The following UCHL5 variants were observed in gnomAD, a reference collection of about 807,000 sequenced individuals.
UCHL5 encodes ubiquitin C-terminal hydrolase L5.
A neutral mutation model predicts 53.8 loss-of-function variants in UCHL5; 34 were observed. The ratio of observed to expected loss-of-function variants is 0.63; its 90% confidence interval spans 0.48 to 0.84. The LOEUF (loss-of-function observed/expected upper bound fraction) is 0.84, where lower values mean the gene tolerates loss of function less well. UCHL5 is among the 40% of genes least tolerant of loss of function. The probability of loss-of-function intolerance (pLI) is 0.00; values close to 1 mark genes in which losing one functional copy is unlikely to be tolerated. For missense variants in UCHL5, 290 were observed against 385.6 expected, an observed-to-expected ratio of 0.75 and a Z score of 2.08; for synonymous variants, 111 against 126.3, an observed-to-expected ratio of 0.88 and a Z score of 0.81.
At position 193,014,933 on chromosome 1, in the gene UCHL5, T is replaced by C. The variant is rs1437101999; in HGVS notation, c.*1418A>G. 2 of 152,076 alleles carry C rather than the reference T, an allele frequency of 1.3e-5. No homozygotes were observed. Among genetic ancestry groups the C allele is most frequent in the African/African-American group, 2.4e-5 (1 of 41,426 alleles). 9.4% of individuals were successfully genotyped at this position (152,076 alleles called of 1,614,324 possible). ...TATAAATTAAGCTGAAATAAACGAA[T>C]GAGATCAAGATGAGCCTTCCTTAAA... is the stretch of plus-strand genomic sequence containing the variant. On this transcript the variant is annotated 3_prime_UTR_variant, in exon 11 of 11. Coordinates refer to ENST00000367454, the MANE Select transcript of UCHL5 (RefSeq NM_001199261.3).
At chr1:193,021,320 G>A (rs1030952037) in intron 9 of UCHL5, 125 bp from the exon 10 acceptor site, 3 of 619,306 alleles carry the variant, frequency 4.8e-6, no homozygotes, top group Non-Finnish European at 8.2e-6. Context: ...TAGAAATAAT[G>A]AGATTCCATT....
At chr1:193,040,317 C>T (rs916451084) in intron 3 of UCHL5, among the ~76,000 whole-genome samples, 3 of 152,134 alleles carry the variant, frequency 2.0e-5, no homozygotes, top group South Asian at 2.1e-4. Context: ...TAAAAAAAAT[C>T]AGATTTAAAA....
At chr1:193,038,761 T>C (rs542678061) in intron 3 of UCHL5, among the ~76,000 whole-genome samples, 40 of 152,260 alleles carry the variant, frequency 2.6e-4, no homozygotes, top group Middle Eastern at 6.8e-3. Flanking sequence ...TTTGGGAGGC[T>C]GAGGCAGGAG....
In UCHL5 at chr1:193,016,272, T is replaced by C. The variant is rs1654890962; in HGVS notation, c.*79A>G. ...ACGTGCACTGAGCCAATTAGGATGT[T>C]GCTCTAAGTTCTTTATACATAATGG... On this transcript the variant is annotated 3_prime_UTR_variant, in exon 11 of 11. Coordinates refer to ENST00000367454, the MANE Select transcript of UCHL5 (RefSeq NM_001199261.3). 2 of 1,533,484 alleles carry C rather than the reference T, an allele frequency of 1.3e-6. No individual in the cohort carries two copies. Among genetic ancestry groups the C allele is most frequent in the African/African-American group, 2.8e-5 (2 of 71,150 alleles). 95.0% of individuals were successfully genotyped at this position (1,533,484 alleles called of 1,614,324 possible).
intron 10 of UCHL5, chr1:193,020,351 C>T: frequency 1.3e-6 from 2 of 1,547,960 alleles, no homozygotes; most frequent in Non-Finnish European, 1.7e-6. Flanking sequence ...TTTTATTTGC[C>T]TAGTAGTGTC....
intron 3 of UCHL5, among the ~76,000 whole-genome samples, chr1:193,031,794 A>G (rs1054609749): frequency 1.3e-5 from 2 of 152,208 alleles, no homozygotes; most frequent in African/African-American, 4.8e-5. Flanking sequence ...TCTTATATAT[A>G]GTCAAAGTTC....
chr1:193,020,666 T>C (rs1656647762), intron 10 of UCHL5, among the ~76,000 whole-genome samples: 1 of 151,946 alleles, frequency 6.6e-6, no homozygotes, highest in South Asian at 2.1e-4. Flanking sequence ...GATACTAAAT[T>C]AGAAATAAGA....
At chr1:193,030,329 A>T (rs1004731851) in intron 3 of UCHL5, among the ~76,000 whole-genome samples, 3 of 152,204 alleles carry the variant, frequency 2.0e-5, no homozygotes, top group African/African-American at 7.2e-5. Flanking sequence ...TCAACAACTT[A>T]TGCAGAAGGA....
chr1:193,044,635 A>T (rs1312474719), intron 3 of UCHL5, among the ~76,000 whole-genome samples: 1 of 152,170 alleles, frequency 6.6e-6, no homozygotes, highest in African/African-American at 2.4e-5. Flanking sequence ...TAATCCCATT[A>T]TAAATGCCAT....
intron 10 of UCHL5, among the ~76,000 whole-genome samples, chr1:193,017,436 AAT>A (rs1156860939): frequency 6.6e-6 from 1 of 151,752 alleles, no homozygotes; most frequent in Non-Finnish European, 1.5e-5. Context: ...AATAAGAGCA[AAT>A]AGTCTGTGTG....
chr1:193,035,459 G>GA (rs1185176840), intron 3 of UCHL5, among the ~76,000 whole-genome samples: 10 of 143,948 alleles, frequency 6.9e-5, no homozygotes, highest in Non-Finnish European at 1.2e-4. Context: ...TCTAAAAGAA[G>GA]AAAAAAAAAA....
At chr1:193,025,923 T>C (rs1473353881) in intron 7 of UCHL5, among the ~76,000 whole-genome samples, 1 of 152,024 alleles carries the variant, frequency 6.6e-6, no homozygotes, top group African/African-American at 2.4e-5. Context: ...ATCAACACAA[T>C]GTAGTACTGG....
chr1:193,021,045 T>C (rs1409899984), intron 10 of UCHL5, 52 bp downstream of exon 10: 4 of 1,337,846 alleles, frequency 3.0e-6, no homozygotes, highest in South Asian at 1.3e-5. Context: ...ATACATTTTA[T>C]GTTTTTGGAG....
chr1:193,032,383 G>T (rs1218274216), intron 3 of UCHL5, among the ~76,000 whole-genome samples: 1 of 151,894 alleles, frequency 6.6e-6, no homozygotes, highest in Admixed American at 6.6e-5. Context: ...AACTCAAGAT[G>T]GATTAAAAAT....
intron 2 of UCHL5, 135 bp downstream of exon 2, chr1:193,051,619 G>T (rs907249365): frequency 3.5e-5 from 15 of 429,632 alleles, no homozygotes; most frequent in Middle Eastern, 6.5e-4. Flanking sequence ...TATCTCACAG[G>T]ATTGAAGAGA....
intron 3 of UCHL5, among the ~76,000 whole-genome samples, chr1:193,042,448 C>T (rs886372134): frequency 6.6e-6 from 1 of 151,978 alleles, no homozygotes; most frequent in Non-Finnish European, 1.5e-5. Flanking sequence ...TCTTATAATC[C>T]CATTCTGGGT....
chr1:193,035,196 T>A (rs1179712977), intron 3 of UCHL5, among the ~76,000 whole-genome samples: 1 of 151,718 alleles, frequency 6.6e-6, no homozygotes. Flanking sequence ...TGGCTAAATA[T>A]AATATTAATA....
At chr1:193,040,521 A>T (rs960981728) in intron 3 of UCHL5, among the ~76,000 whole-genome samples, 2 of 152,224 alleles carry the variant, frequency 1.3e-5, no homozygotes, top group Non-Finnish European at 2.9e-5. Context: ...GAGAAAGGGG[A>T]ACCCTCATAA....
At chr1:193,043,154 A>AAAAAAAAAAAAAAAT (rs1558122479) in intron 3 of UCHL5, among the ~76,000 whole-genome samples, 2 of 126,882 alleles carry the variant, frequency 1.6e-5, no homozygotes, top group Non-Finnish European at 3.3e-5. Flanking sequence ...TGAATATTAA[A>AAAAAAAAAAAAAAAT]AAAAAAAAAA....
Sources: allele counts gnomAD v4.1 joint callset (sites outside exome capture counted in the v4.1 genomes callset), GRCh38; gene constraint gnomAD v4.1.1; transcripts MANE v1.5; gene names NCBI Gene and HGNC (gene_info 2026-07-23, HGNC 2026-07-21).